MST1R: variants seen among roughly 807,000 people sequenced by gnomAD.
MST1R encodes macrophage stimulating 1 receptor, also known as macrophage-stimulating protein receptor.
MST1R carries 99 observed loss-of-function variants against 117.8 expected under a neutral mutation model. The ratio of observed to expected loss-of-function variants is 0.84; its 90% CI spans 0.71 to 0.99. The LOEUF is 0.99. Among genes scored for constraint, MST1R ranks in the 50% least tolerant of loss-of-function variants. The pLI is 0.00. For synonymous variants in MST1R, 734 were observed against 765.3 expected (o/e 0.96, Z 0.68); for missense variants, 1,683 against 1,840.2 (o/e 0.91, Z 1.56).
chr3:49,901,781 A>AGGGGGTGGGGGGGGGGG (rs2082685151), intron 1 of MST1R, among the ~76,000 whole-genome samples: 1 of 80,688 alleles, frequency 1.2e-5, no homozygotes, highest in Admixed American at 1.1e-4. Flanking sequence ...GGGTGGGGGG[A>AGGGGGTGGGGGGGGGGG]GGGGGTGTGG....
intron 14 of MST1R, among the ~76,000 whole-genome samples, chr3:49,893,085 C>G (rs1410270385): frequency 6.6e-6 from 1 of 151,060 alleles, no homozygotes; most frequent in Non-Finnish European, 1.5e-5. Flanking sequence ...TTGAGACCAG[C>G]CTGGCCAACA....
At chr3:49,893,693 A>C (rs944493964) in intron 14 of MST1R, among the ~76,000 whole-genome samples, 12 of 147,264 alleles carry the variant, frequency 8.1e-5, no homozygotes, top group African/African-American at 3.0e-4. Context: ...AGGTCAGGAG[A>C]TCGAGACCAT....
chr3:49,900,503 A>G (rs2108488295), intron 1 of MST1R, among the ~76,000 whole-genome samples: 1 of 152,316 alleles, frequency 6.6e-6, no homozygotes, highest in African/African-American at 2.4e-5. Flanking sequence ...ACAGAGGCTT[A>G]ACCCAGTCCT....
intron 8 of MST1R, 31 bp downstream of exon 8, chr3:49,896,679 TGGCTCTCTCATTCCCCAGA>T (rs1234026444): frequency 1.2e-6 from 2 of 1,610,946 alleles, no homozygotes; most frequent in Admixed American, 3.4e-5. Flanking sequence ...TCTCCAAAGC[TGGCTCTCTCATTCCCCAGA>T]GGCCAGAGTG....
In MST1R at chr3:49,899,085, C is replaced by T. The variant is rs867261592; in HGVS notation, c.1409G>A (p.Arg470His). 28 of 1,613,972 alleles carry T rather than the reference C, an allele frequency of 1.7e-5. No individual in the cohort carries two copies. The highest frequency in any genetic ancestry group is 6.7e-5 in the African/African-American group (5 of 74,924). ...TVAHMGTMDG[R>H]ILQVELVRSL... ...GGGATGAGGACCCACCTGCAGGATA[C>T]GCCCATCCATTGTGCCCATGTGTGC... The change falls in exon 2 of 20, where the codon CGT (arginine) becomes CAT (histidine). Residue 470 changes from arginine to histidine, a missense_variant. Arg to His is a conservative substitution (Grantham distance 29). Transcript: ENST00000296474.
rs1051073326 is a variant in MST1R at position 49,890,407 on chromosome 3, C to T, written c.3810+78G>A. ...CCCTGGGGACTCCCTGGGCTCAGAT[C>T]ATTCAGAGCTGAATGGGTGAGGCCC... On this transcript the variant is annotated intron_variant, in intron 18 of 19. Transcript: ENST00000296474. 3 of 1,473,408 alleles carry T rather than the reference C, an allele frequency of 2.0e-6. No homozygotes were observed. In the South Asian group the frequency reaches 4.0e-5, roughly 19 times the overall value. The allele number at this position is 1,473,408 out of a possible 1,614,324, so 91.3% of individuals were successfully genotyped here.
At chr3:49,891,888 G>A (rs2082327350) in intron 14 of MST1R, 50 bp from the exon 15 acceptor site, 2 of 1,512,462 alleles carry the variant, frequency 1.3e-6, no homozygotes, top group African/African-American at 2.7e-5. Flanking sequence ...AGGGCCCAAG[G>A]CTCACACCAC....
At chr3:49,890,822 G>A (rs926368435) in intron 17 of MST1R, among the ~76,000 whole-genome samples, 172 bp from the exon 18 acceptor site, 3 of 152,050 alleles carry the variant, frequency 2.0e-5, no homozygotes, top group Non-Finnish European at 4.4e-5. Context: ...GCCTCCTGGG[G>A]TCACGCCATT....
At position 49,895,293 on chromosome 3, in the gene MST1R, C is replaced by T. The variant is rs777576135; in HGVS notation, c.3145G>A (p.Val1049Met). 2 of 1,614,242 alleles carry T rather than the reference C, an allele frequency of 1.2e-6. No homozygotes were observed. The highest frequency in any genetic ancestry group is 1.1e-5 in the South Asian group (1 of 91,084). Reference sequence around the variant, plus strand: ...ATGGACTCTTTCCGCAGCAGTGGCACACAGGATTCATCTTCACTATCGGAG... The same window carrying T: ...ATGGACTCTTTCCGCAGCAGTGGCATACAGGATTCATCTTCACTATCGGAG... ...SFSDSEDESCVPLLRKESIQL... is the reference protein window; with the variant it reads ...SFSDSEDESCMPLLRKESIQL... The change falls in exon 14 of 20, where the codon GTG (valine) becomes ATG (methionine). Residue 1049 changes from valine (V) to methionine (M), a missense_variant. Coordinates refer to ENST00000296474, the MANE Select transcript of MST1R (RefSeq NM_002447.4).
At position 49,891,837 on chromosome 3, in the gene MST1R, G is replaced by A. The variant is rs761410172; in HGVS notation, c.3273C>T (p.Gly1091=). ...VTHSDRVIGK[G]HFGVVYHGEY... Reference sequence around the variant, plus strand: ...CTCCGTGGTAGACAACTCCAAAGTGGCCTGGTGTGAGGTGCATAATGAGTC... The same window carrying A: ...CTCCGTGGTAGACAACTCCAAAGTGACCTGGTGTGAGGTGCATAATGAGTC... Residue 1091 remains glycine (G), a splice_region_variant and synonymous_variant, in exon 15 of 20, where the codon GGC becomes GGT. Coordinates refer to ENST00000296474, the MANE Select transcript of MST1R (RefSeq NM_002447.4). The A allele has an allele frequency of 2.5e-6, 4 of 1,614,142 alleles. No individual in the cohort carries two copies. In the South Asian group the frequency reaches 4.4e-5, roughly 18 times the overall value.
intron 12 of MST1R, 37 bp downstream of exon 12, chr3:49,895,678 G>C (rs761472507): frequency 6.2e-7 from 1 of 1,612,460 alleles, no homozygotes. Flanking sequence ...ATTGGTTGGG[G>C]GTAGGGGCTG....
rs550317409 is a variant in MST1R, at chr3:49,903,028, G to A, written c.582C>T (p.Ala194=). The change falls in exon 1 of 20, where the codon GCC becomes GCT. Residue 194 remains alanine (A), a synonymous_variant. Transcript: ENST00000296474. ...GTGAGGATGCCACGTAGAAATAGGA[G>A]GCCTGGCCTTGCTCAACCACAGTTA... ...TRVTVVEQGQ[A]SYFYVASSLD... is the part of the protein sequence containing the mutation. The A allele has an allele frequency of 6.2e-7, 1 of 1,612,596 alleles. No homozygotes were observed. Among genetic ancestry groups the A allele is most frequent in the South Asian group, 1.1e-5 (1 of 91,092 alleles).
chr3:49,898,308 C>A, intron 4 of MST1R, 97 bp from the exon 5 acceptor site: 1 of 1,525,244 alleles, frequency 6.6e-7, no homozygotes, highest in Non-Finnish European at 9.0e-7. Flanking sequence ...CTTGCCTTCC[C>A]CACGCTCCAG....
rs375137952 is a variant in MST1R, at chr3:49,903,475, C to T, written c.135G>A (p.Val45=). ...GGCCTCCGGCGGAGAAGCTGGGCAC[C>T]ACGTACTTCACGTCAAAGTCGCGAG... The part of the protein sequence containing the change: ...AASRDFDVKY[V]VPSFSAGGLV... Residue 45 remains valine (V), a synonymous_variant, in exon 1 of 20, where the codon GTG becomes GTA. Transcript: ENST00000296474. The T allele has an allele frequency of 1.4e-5, 22 of 1,612,866 alleles. No homozygotes were observed. The highest frequency in any genetic ancestry group is 4.0e-5 in the African/African-American group (3 of 75,078).
chr3:49,899,488 C>T, intron 1 of MST1R: 2 of 536,368 alleles, frequency 3.7e-6, no homozygotes, highest in Non-Finnish European at 6.8e-6. Flanking sequence ...CCTCATTCTC[C>T]CTGCCCCACC....
At position 49,891,513 on chromosome 3, in the gene MST1R, G is replaced by A. The variant is rs1277360603; in HGVS notation, c.3420C>T (p.His1140=). ...TACCAATGAGAGCCAGCACATTCGG[G>A]TGGTTCAGGCCACGCATGAGCAGCC... ...REGLLMRGLN[H]PNVLALIGIM... The change falls in exon 16 of 20, where the codon CAC becomes CAT. Residue 1140 remains histidine, a synonymous_variant. Transcript: ENST00000296474. 2 of 1,614,042 alleles carry A rather than the reference G, an allele frequency of 1.2e-6. No individual in the cohort carries two copies. Among genetic ancestry groups the A allele is most frequent in the Non-Finnish European group, 1.7e-6 (2 of 1,180,052 alleles).
At chr3:49,892,120 C>T (rs2082333993) in intron 14 of MST1R, among the ~76,000 whole-genome samples, 2 of 151,994 alleles carry the variant, frequency 1.3e-5, no homozygotes, top group East Asian at 2.0e-4. Flanking sequence ...ACTGCCACTA[C>T]ACACAGCTAA....
In MST1R at chr3:49,903,528, G is replaced by A. The variant is rs774953632; in HGVS notation, c.82C>T (p.Gln28Ter). ...GCCGCGTAGGGGGTGCGCGGGCACTGCCAGTCCTCGCCCGCCGCGGGCTTG... is the reference window on the plus strand; with the variant it reads ...GCCGCGTAGGGGGTGCGCGGGCACTACCAGTCCTCGCCCGCCGCGGGCTTG... ...PAKPAAGEDW[Q>*]CPRTPYAASR... Residue 28 changes from glutamine (Q) to a stop codon, truncating the protein, a stop_gained, in exon 1 of 20, where the codon CAG becomes TAG. Coordinates refer to ENST00000296474, the MANE Select transcript of MST1R (RefSeq NM_002447.4). LOFTEE classifies it high-confidence loss of function. 1.2e-6 allele frequency: 2 copies of A among 1,603,828 alleles called. No homozygotes were observed. Among genetic ancestry groups the A allele is most frequent in the South Asian group, 2.2e-5 (2 of 90,966 alleles).
At chr3:49,900,594 T>A (rs2082644903) in intron 1 of MST1R, among the ~76,000 whole-genome samples, 1 of 151,782 alleles carries the variant, frequency 6.6e-6, no homozygotes, top group Admixed American at 6.5e-5. Context: ...ACCTTGTGCC[T>A]ACAGCTTGGG....
Sources: gnomAD v4.1 joint callset for allele counts (sites outside exome capture counted in the v4.1 genomes callset) on GRCh38, gnomAD v4.1.1 for gene constraint, MANE v1.5 for transcripts, NCBI Gene and HGNC (gene_info 2026-07-23, HGNC 2026-07-21) for gene names.